Variants in USH2A observed in about 807,000 individuals in gnomAD.
The protein encoded by USH2A is Usher syndrome 2A (autosomal recessive, mild).
Under a neutral mutation model 538.9 loss-of-function variants are expected in USH2A, and 443 were observed. The ratio of observed to expected loss-of-function variants is 0.82; its 90% CI spans 0.76 to 0.89. The LOEUF is 0.89. Among genes scored for constraint, USH2A ranks in the 40% least tolerant of loss-of-function variants. The pLI is 0.00. For synonymous variants in USH2A, 2,413 were observed against 2,273.5 expected, an observed-to-expected ratio of 1.06 and a Z score of -1.75; for missense variants, 6,633 against 6,324.8, an observed-to-expected ratio of 1.05 and a Z score of -1.65.
intron 16 of USH2A, among the ~76,000 whole-genome samples, chr1:216,201,459 G>A (rs1307989383): frequency 1.3e-5 from 2 of 151,886 alleles, no homozygotes; most frequent in African/African-American, 4.8e-5. Context: ...GACTACAGGT[G>A]CCCACCACCA....
intron 21 of USH2A, among the ~76,000 whole-genome samples, chr1:216,113,406 TATAA>T (rs1223614290): frequency 1.3e-5 from 2 of 152,146 alleles, no homozygotes; most frequent in Non-Finnish European, 2.9e-5. Flanking sequence ...TTCCATATGT[TATAA>T]ATAGTTTTCA....
chr1:215,761,444 T>C (rs1360154872), intron 56 of USH2A, among the ~76,000 whole-genome samples: 1 of 152,220 alleles, frequency 6.6e-6, no homozygotes, highest in East Asian at 1.9e-4. Flanking sequence ...TTTTACATTA[T>C]ATGATGGTGC....
intron 41 of USH2A, among the ~76,000 whole-genome samples, chr1:215,883,835 T>C (rs1187066258): frequency 6.6e-6 from 1 of 152,228 alleles, no homozygotes. Flanking sequence ...TACCACCTCA[T>C]TATTCTTCCA....
At chr1:216,050,882 G>A (rs2030759474) in intron 30 of USH2A, among the ~76,000 whole-genome samples, 1 of 151,970 alleles carries the variant, frequency 6.6e-6, no homozygotes, top group African/African-American at 2.4e-5. Context: ...TGGGATTACA[G>A]GCGTGAGCCA....
intron 56 of USH2A, among the ~76,000 whole-genome samples, chr1:215,765,390 T>C (rs946435292): frequency 1.3e-5 from 2 of 152,120 alleles, no homozygotes; most frequent in African/African-American, 4.8e-5. Context: ...TCCATTTTAT[T>C]CCCCATTTAC....
chr1:215,905,965 C>T lies in USH2A; in HGVS notation c.7301-5060G>A, dbSNP rs144246096. On this transcript the variant is annotated intron_variant, in intron 38 of 71. Coordinates refer to ENST00000307340, the MANE Select transcript of USH2A (RefSeq NM_206933.4). ...GATTACACATTTCTTCATCATTTTC[C>T]GAAATAGCTACATATGAGCAAGGGT... Among the ~76,000 whole-genome samples the T allele has an allele frequency of 4.3e-4, 66 of 152,108 alleles. No individual in the cohort carries two copies. In the East Asian group the frequency reaches 5.6e-3, roughly 13 times the overall value.
chr1:216,253,012 C>T (rs960438982), intron 11 of USH2A, among the ~76,000 whole-genome samples: 1 of 152,116 alleles, frequency 6.6e-6, no homozygotes, highest in East Asian at 1.9e-4. Context: ...AGGCATTGGA[C>T]ATATGTGATG....
Position 216,340,798 on chromosome 1 carries a change from C to T in USH2A, c.785-13144G>A, listed in dbSNP as rs114646368. Among the ~76,000 whole-genome samples the T allele has an allele frequency of 2.6e-3, 402 of 152,132 alleles. 3 individuals are homozygous for T. The highest frequency in any genetic ancestry group is 9.3e-3 in the African/African-American group (387 of 41,540). On this transcript the variant is annotated intron_variant, in intron 4 of 71. Transcript: ENST00000307340. ...AGGGCTTCAATAAAATTCAACACCC[C>T]TTCTTGTTAAAACTCTCAATAAACT...
chr1:215,974,585 C>T (rs1667576406), intron 35 of USH2A, among the ~76,000 whole-genome samples: 1 of 152,054 alleles, frequency 6.6e-6, no homozygotes, highest in Non-Finnish European at 1.5e-5. Context: ...TGAGAATATG[C>T]AATATTTGTT....
rs1255248250 is a variant in USH2A at position 216,200,001 on chromosome 1, C to A, written c.3437G>T (p.Gly1146Val). 3 of 1,613,992 alleles carry A rather than the reference C, an allele frequency of 1.9e-6. No individual in the cohort carries two copies. Among genetic ancestry groups the A allele is most frequent in the East Asian group, 4.5e-5 (2 of 44,850 alleles). ...SVAVTYKTKP[G>V]VPEGNLTLSY... Reference sequence around the variant, plus strand: ...TAAAGTCAAGTTTCCCTCTGGGACCCCTGGTTTTGTCTTGTAAGTGACAGC... The same window carrying A: ...TAAAGTCAAGTTTCCCTCTGGGACCACTGGTTTTGTCTTGTAAGTGACAGC... The change falls in exon 17 of 72, where the codon GGG becomes GTG. Residue 1146 changes from glycine to valine, a missense_variant. Physicochemically the swap from Gly to Val is moderately radical, Grantham distance 109. Coordinates refer to ENST00000307340, the MANE Select transcript of USH2A (RefSeq NM_206933.4).
chr1:216,387,515 G>C (rs1197549962), intron 3 of USH2A, among the ~76,000 whole-genome samples: 1 of 152,152 alleles, frequency 6.6e-6, no homozygotes, highest in Non-Finnish European at 1.5e-5. Flanking sequence ...ATTTTCTTCA[G>C]ATGCTGAACG....
intron 10 of USH2A, among the ~76,000 whole-genome samples, chr1:216,291,087 A>G (rs1262225048): frequency 6.6e-6 from 1 of 152,138 alleles, no homozygotes; most frequent in East Asian, 1.9e-4. Flanking sequence ...GTATCTTTTA[A>G]TAACAAGTAA....
chr1:215,876,740 G>C (rs1457527220), intron 43 of USH2A, among the ~76,000 whole-genome samples: 1 of 152,192 alleles, frequency 6.6e-6, no homozygotes, highest in Non-Finnish European at 1.5e-5. Context: ...CCTAGAGGAA[G>C]AAACCTCCAG....
intron 1 of USH2A, 138 bp from the exon 2 acceptor site, chr1:216,422,678 C>T (rs2039699690): frequency 3.5e-6 from 1 of 281,952 alleles, no homozygotes; most frequent in East Asian, 8.0e-5. Flanking sequence ...GCACAGTGCT[C>T]AGAGTAAAAT....
At position 215,625,799 on chromosome 1, in the gene USH2A, G is replaced by A. The variant is rs1430931717; in HGVS notation, c.15591C>T (p.Phe5197=). The A allele has an allele frequency of 6.2e-7, 1 of 1,614,122 alleles. No homozygotes were observed. The highest frequency in any genetic ancestry group is 8.5e-7 in the Non-Finnish European group (1 of 1,179,992). The change falls in exon 72 of 72, where the codon TTC becomes TTT. Residue 5197 remains phenylalanine (F), a synonymous_variant. Transcript: ENST00000307340. ...CCATCCTTTACAGGTGGGTGTCTGT[G>A]AATGTGGTGCGTTCCTTAGTCACTG... ...FSSVTKERTT[F]TDTHL is the part of the protein sequence containing the mutation.
intron 4 of USH2A, among the ~76,000 whole-genome samples, chr1:216,358,967 T>C (rs2038440060): frequency 6.6e-6 from 1 of 152,138 alleles, no homozygotes; most frequent in Non-Finnish European, 1.5e-5. Context: ...ATCAAATACT[T>C]TGAGCAACAT....
intron 61 of USH2A, among the ~76,000 whole-genome samples, chr1:215,681,037 TG>T: frequency 6.6e-6 from 1 of 152,306 alleles, no homozygotes; most frequent in African/African-American, 2.4e-5. Context: ...AGTAAAACTA[TG>T]AAACCTACCA....
chr1:215,954,327 A>G (rs188996860), intron 37 of USH2A, among the ~76,000 whole-genome samples: 155 of 152,234 alleles, frequency 1.0e-3, no homozygotes, highest in African/African-American at 3.2e-3. Context: ...ATGTCCAACA[A>G]TGATAGACTG....
intron 58 of USH2A, among the ~76,000 whole-genome samples, chr1:215,744,383 A>C (rs577402361): frequency 6.6e-6 from 1 of 152,204 alleles, no homozygotes; most frequent in Admixed American, 6.5e-5. Context: ...ATGCTTGTTA[A>C]GTTTTATTTG....
Sources: gnomAD v4.1 joint callset for allele counts (sites outside exome capture counted in the v4.1 genomes callset) on GRCh38, gnomAD v4.1.1 for gene constraint, MANE v1.5 for transcripts, NCBI Gene and HGNC (gene_info 2026-07-23, HGNC 2026-07-21) for gene names.